The following NRK variants were observed in gnomAD, a reference collection of about 807,000 sequenced individuals.
The protein encoded by NRK is Nik related kinase, also known as nik-related protein kinase.
In NRK, 67 loss-of-function variants were observed where a neutral mutation model predicts 125.2. That is an observed-to-expected ratio of 0.54 (90% CI 0.44 to 0.66). NRK has a LOEUF of 0.66. NRK is among the 30% of genes least tolerant of loss of function. NRK has a pLI of 0.00. For synonymous variants in NRK, 458 were observed against 429.0 expected, an observed-to-expected ratio of 1.07 and a Z score of -0.84; for missense variants, 1,224 against 1,192.9, an observed-to-expected ratio of 1.03 and a Z score of -0.38.
At chrX:105,866,203 A>G (rs768279799) in intron 2 of NRK, among the ~76,000 whole-genome samples, 17 of 111,165 alleles carry the variant, frequency 1.5e-4, no homozygotes, top group Admixed American at 2.9e-4. Context: ...TATGCCTAAA[A>G]TATACCCTAA....
At chrX:105,934,672 T>A (rs943125969) in intron 20 of NRK, among the ~76,000 whole-genome samples, 1 of 112,390 alleles carries the variant, frequency 8.9e-6, no homozygotes, top group Non-Finnish European at 1.9e-5. Flanking sequence ...TTATGTGTGT[T>A]TTCTAATCAC....
chrX:105,915,177 CT>C (rs1342244263), intron 14 of NRK, among the ~76,000 whole-genome samples: 4 of 110,279 alleles, frequency 3.6e-5, no homozygotes, highest in Admixed American at 9.8e-5. Flanking sequence ...GAAAAACATA[CT>C]TTCTTACTTT....
intron 18 of NRK, 62 bp from the exon 19 acceptor site, chrX:105,924,633 G>A (rs979713505): frequency 2.1e-6 from 2 of 960,722 alleles, no homozygotes; most frequent in East Asian, 3.3e-5. Flanking sequence ...TGTTGTACTT[G>A]CTAACTTTCA....
intron 4 of NRK, among the ~76,000 whole-genome samples, chrX:105,882,828 T>C (rs1331713282): frequency 8.9e-6 from 1 of 111,860 alleles, no homozygotes; most frequent in African/African-American, 3.2e-5. Flanking sequence ...TTTTGTAGCT[T>C]AGGAAACCGC....
chrX:105,927,359 C>A (rs1268733418), intron 19 of NRK, among the ~76,000 whole-genome samples: 1 of 111,457 alleles, frequency 9.0e-6, no homozygotes, highest in African/African-American at 3.2e-5. Flanking sequence ...ATTTGTTCAT[C>A]AATTCTAAGA....
chrX:105,913,286 A>G (rs946950976), intron 14 of NRK, among the ~76,000 whole-genome samples: 1 of 112,250 alleles, frequency 8.9e-6, no homozygotes, highest in Non-Finnish European at 1.9e-5. Flanking sequence ...ATCTAAAACC[A>G]TATCAATGAA....
At chrX:105,870,904 CT>C (rs2039738015) in intron 2 of NRK, among the ~76,000 whole-genome samples, 1 of 111,470 alleles carries the variant, frequency 9.0e-6, no homozygotes. Flanking sequence ...GATTCTGTAG[CT>C]TTTTAGCTAC....
At chrX:105,829,677 C>G (rs1387484898) in intron 1 of NRK, among the ~76,000 whole-genome samples, 3 of 111,631 alleles carry the variant, frequency 2.7e-5, no homozygotes, top group African/African-American at 9.8e-5. Flanking sequence ...AACTCTATCC[C>G]AAAACATGTT....
chrX:105,843,632 G>C (rs1004100029), intron 2 of NRK, among the ~76,000 whole-genome samples: 1 of 111,964 alleles, frequency 8.9e-6, no homozygotes, highest in African/African-American at 3.2e-5. Flanking sequence ...TAGGAAGCTT[G>C]AAAGAGTATA....
rs376410857 is a variant in NRK, at chrX:105,829,108, G to A, written c.58-1946G>A. 4.5e-5 allele frequency among the ~76,000 whole-genome samples: 5 copies of A among 111,788 alleles called. No individual in the cohort carries two copies. The East Asian group carries it at 8.5e-4, about 19-fold the overall frequency. ...ACCTATCACAAGACTTTTATTTTAT[G>A]TATGTGAAAACTGAATCCCAGAGAG... On this transcript the variant is annotated intron_variant, in intron 1 of 28. Coordinates refer to ENST00000243300, the MANE Select transcript of NRK (RefSeq NM_198465.4).
rs761259055 is a variant in NRK, at chrX:105,891,123, G to T, written c.378+2704G>T. Among the ~76,000 whole-genome samples the T allele has an allele frequency of 1.8e-5, 2 of 111,674 alleles. 1 individual carries two copies. The highest frequency in any genetic ancestry group is 7.4e-4 in the South Asian group (2 of 2,695). On this transcript the variant is annotated intron_variant, in intron 5 of 28. Coordinates refer to ENST00000243300, the MANE Select transcript of NRK (RefSeq NM_198465.4). ...TTTTAAGTTTTTGCAAAGTATATGCGCTTATGGATAAACATAACTCCTAAG... is the reference window on the plus strand; with the variant it reads ...TTTTAAGTTTTTGCAAAGTATATGCTCTTATGGATAAACATAACTCCTAAG...
chrX:105,867,361 T>C (rs1355195598), intron 2 of NRK, among the ~76,000 whole-genome samples: 1 of 111,457 alleles, frequency 9.0e-6, no homozygotes, highest in East Asian at 2.8e-4. Context: ...TTGAAACTGA[T>C]TAGCCAGGGT....
At chrX:105,898,046 A>C (rs2040107784) in intron 7 of NRK, among the ~76,000 whole-genome samples, 1 of 112,119 alleles carries the variant, frequency 8.9e-6, no homozygotes, top group Admixed American at 9.5e-5. Context: ...GAACTTTTAT[A>C]ATCTAAGCTA....
intron 28 of NRK, among the ~76,000 whole-genome samples, chrX:105,953,891 G>A (rs2040936745): frequency 9.0e-6 from 1 of 110,922 alleles, no homozygotes; most frequent in Non-Finnish European, 1.9e-5. Context: ...GAGGGTTTGA[G>A]TTAATATCAG....
At chrX:105,914,324 GA>G (rs776768660) in intron 14 of NRK, among the ~76,000 whole-genome samples, 1 of 110,985 alleles carries the variant, frequency 9.0e-6, no homozygotes, top group African/African-American at 3.3e-5. Context: ...ATAATTAGAA[GA>G]GGCAATATGT....
chrX:105,943,186 T>G (rs2040767533), intron 23 of NRK, among the ~76,000 whole-genome samples: 1 of 111,983 alleles, frequency 8.9e-6, no homozygotes, highest in African/African-American at 3.3e-5. Flanking sequence ...TTTAGGTGTT[T>G]GATCAATTTT....
At chrX:105,950,748 G>A (rs2040885343) in intron 27 of NRK, among the ~76,000 whole-genome samples, 1 of 109,690 alleles carries the variant, frequency 9.1e-6, no homozygotes, top group Admixed American at 9.9e-5. Context: ...TATGAACTAT[G>A]TACTTGGACT....
chrX:105,956,645 A>AT lies in NRK; in HGVS notation c.*1046dup, dbSNP rs1169742652. The AT allele has an allele frequency of 8.9e-6, 1 of 112,261 alleles. No homozygotes were observed. The highest frequency in any genetic ancestry group is 3.2e-5 in the African/African-American group (1 of 30,923). The allele number at this position is 112,261 out of a possible 1,213,427, so 9.3% of individuals were successfully genotyped here. ...TGTAAAATCAGAAATTAATCTAAAC[A>AT]TATTCAGTGATAAGTTCATGTGTAA... On this transcript the variant is annotated 3_prime_UTR_variant, in exon 29 of 29. Transcript: ENST00000243300.
rs1249573015 is a variant in NRK, at chrX:105,822,850, C to A, written c.5C>A (p.Ala2Glu). M[A>E]GPGGWRDREV... ...CCCGTTCGGCTCCTCGAAGCCATGGCGGGACCTGGGGGCTGGAGGGACAGG... is the reference window on the plus strand; with the variant it reads ...CCCGTTCGGCTCCTCGAAGCCATGGAGGGACCTGGGGGCTGGAGGGACAGG... The change falls in exon 1 of 29, where the codon GCG (alanine) becomes GAG (glutamate). Residue 2 changes from alanine (A) to glutamate (E), a missense_variant. Physicochemically the swap from Ala to Glu is moderately radical, Grantham distance 107 (BLOSUM62 -1). Transcript: ENST00000243300. 2 of 1,169,923 alleles carry A rather than the reference C, an allele frequency of 1.7e-6. No homozygotes were observed. The highest frequency in any genetic ancestry group is 3.6e-5 in the African/African-American group (2 of 56,243).
Sources: gnomAD v4.1 joint callset for allele counts (sites outside exome capture counted in the v4.1 genomes callset) on GRCh38, gnomAD v4.1.1 for gene constraint, MANE v1.5 for transcripts, NCBI Gene and HGNC (gene_info 2026-07-23, HGNC 2026-07-21) for gene names.